The following MLLT10 variants were observed in gnomAD, a reference collection of about 807,000 sequenced individuals.
MLLT10 encodes the protein protein AF-10.
A neutral mutation model predicts 129.1 loss-of-function variants in MLLT10; 30 were observed. The ratio of observed to expected loss-of-function variants is 0.23; its 90% CI spans 0.17 to 0.32. The LOEUF (loss-of-function observed/expected upper bound fraction) is 0.32, where lower values mean the gene tolerates loss of function less well. Ranked by LOEUF, MLLT10 falls within the 10% of genes least tolerant of loss-of-function variation. The probability of loss-of-function intolerance (pLI) is 1.00; values close to 1 mark genes in which losing one functional copy is unlikely to be tolerated. For synonymous variants in MLLT10, 490 were observed against 446.4 expected (o/e 1.10, Z -1.23); for missense variants, 1,119 against 1,268.3 (o/e 0.88, Z 1.79).
At position 21,635,109 on chromosome 10, in the gene MLLT10, C is replaced by T. The variant is rs565671068; in HGVS notation, c.700-16564C>T. Among the ~76,000 whole-genome samples, 7 of 152,198 alleles carry T rather than the reference C, an allele frequency of 4.6e-5. No homozygotes were observed. The South Asian group carries it at 1.5e-3, about 32-fold the overall frequency. ...TCCTTCTTACTGTGTACCCCATGCG[C>T]TTACCTGTTACTGGCCAGTGCAGAA... On this transcript the variant is annotated intron_variant, in intron 8 of 22. Transcript: ENST00000307729.
intron 13 of MLLT10, among the ~76,000 whole-genome samples, chr10:21,695,267 G>A (rs2054255665): frequency 6.6e-6 from 1 of 151,932 alleles, no homozygotes; most frequent in African/African-American, 2.4e-5. Flanking sequence ...TCGAACTCCT[G>A]ACCTCAAGTG....
chr10:21,533,943 C>A (rs548943688), upstream of MLLT10, among the ~76,000 whole-genome samples: 7 of 152,146 alleles, frequency 4.6e-5, no homozygotes, highest in African/African-American at 1.7e-4. Flanking sequence ...CCCGCCACCT[C>A]CCAGGCCTCT....
intron 8 of MLLT10, among the ~76,000 whole-genome samples, chr10:21,628,016 C>T (rs2046626570): frequency 6.6e-6 from 1 of 152,158 alleles, no homozygotes; most frequent in African/African-American, 2.4e-5. Context: ...TTTTCAGTTA[C>T]CTTTTTCTCA....
intron 8 of MLLT10, among the ~76,000 whole-genome samples, chr10:21,632,568 C>T (rs1203648722): frequency 6.6e-6 from 1 of 152,158 alleles, no homozygotes; most frequent in African/African-American, 2.4e-5. Flanking sequence ...ATTCGAGACA[C>T]CATGCTCAAT....
intron 8 of MLLT10, among the ~76,000 whole-genome samples, chr10:21,637,094 A>C (rs967232164): frequency 6.6e-6 from 1 of 152,238 alleles, no homozygotes; most frequent in Non-Finnish European, 1.5e-5. Context: ...TGGGGCATCA[A>C]GTCCAAATCT....
intron 3 of MLLT10, among the ~76,000 whole-genome samples, chr10:21,548,878 C>T (rs948871091): frequency 1.3e-5 from 2 of 151,904 alleles, no homozygotes; most frequent in African/African-American, 2.4e-5. Context: ...TTAAAACATA[C>T]TTATTGTAAA....
At chr10:21,627,700 T>C (rs553234441) in intron 8 of MLLT10, among the ~76,000 whole-genome samples, 23 of 152,334 alleles carry the variant, frequency 1.5e-4, no homozygotes, top group African/African-American at 4.6e-4. Context: ...AGATTTTATC[T>C]TTCTCTGGGA....
rs1341984814 is a variant in MLLT10 at position 21,546,575 on chromosome 10, G to GT, written c.240+7677dup. Among the ~76,000 whole-genome samples, 977 of 111,708 alleles carry GT rather than the reference G, an allele frequency of 8.7e-3. 7 individuals carry two copies. The highest frequency in any genetic ancestry group is 0.019 in the African/African-American group (566 of 30,160). The allele number at this position is 111,708 out of a possible 152,430, so 73.3% of individuals were successfully genotyped here. A position where few individuals can be genotyped will look rare whatever the true frequency, so the allele number is the denominator to read the frequency against. On this transcript the variant is annotated intron_variant, in intron 3 of 22. Transcript: ENST00000307729. ...ACGCCCCACCACTCCTGGCTAATTT[G>GT]TTTTTTTTTTTTTTGAGACAGGGTC...
chr10:21,705,975 C>T (rs569322947), intron 13 of MLLT10, among the ~76,000 whole-genome samples: 1 of 152,312 alleles, frequency 6.6e-6, no homozygotes, highest in East Asian at 1.9e-4. Context: ...GGTCTCTAAC[C>T]TGTTCTTTCC....
chr10:21,710,290 C>T (rs1186742980), intron 13 of MLLT10, among the ~76,000 whole-genome samples: 1 of 152,110 alleles, frequency 6.6e-6, no homozygotes, highest in Non-Finnish European at 1.5e-5. Flanking sequence ...ACATAGGTAA[C>T]ATAAATGAGT....
At chr10:21,737,905 T>C (rs2058506932) in intron 21 of MLLT10, among the ~76,000 whole-genome samples, 3 of 152,210 alleles carry the variant, frequency 2.0e-5, no homozygotes, top group South Asian at 4.1e-4. Context: ...GAAAATACTT[T>C]TGATTCTGGA....
intron 17 of MLLT10, among the ~76,000 whole-genome samples, chr10:21,732,314 T>TG (rs1339728931): frequency 6.6e-6 from 1 of 152,214 alleles, no homozygotes; most frequent in East Asian, 1.9e-4. Flanking sequence ...TTACAGGGGA[T>TG]GCGCCTTTCT....
At chr10:21,718,648 A>G (rs2056918269) in intron 14 of MLLT10, among the ~76,000 whole-genome samples, 1 of 152,238 alleles carries the variant, frequency 6.6e-6, no homozygotes, top group Non-Finnish European at 1.5e-5. Context: ...CTTAACATTT[A>G]AAGTAAAATA....
chr10:21,711,786 C>T (rs1471088260), intron 13 of MLLT10, among the ~76,000 whole-genome samples: 3 of 152,102 alleles, frequency 2.0e-5, no homozygotes, highest in Non-Finnish European at 4.4e-5. Context: ...GCTTGAAAAG[C>T]AACAACATCT....
At chr10:21,707,231 T>C (rs977312908) in intron 13 of MLLT10, among the ~76,000 whole-genome samples, 3 of 150,170 alleles carry the variant, frequency 2.0e-5, no homozygotes, top group African/African-American at 4.9e-5. Flanking sequence ...TTCGCTCTGT[T>C]GCCCAGGCTG....
At chr10:21,668,259 G>A (rs995261259) in intron 9 of MLLT10, among the ~76,000 whole-genome samples, 1 of 152,030 alleles carries the variant, frequency 6.6e-6, no homozygotes, top group Non-Finnish European at 1.5e-5. Flanking sequence ...ATTTAGTCTT[G>A]GGCTTACTCA....
chr10:21,602,048 A>G (rs543148869), intron 5 of MLLT10, among the ~76,000 whole-genome samples: 101 of 152,334 alleles, frequency 6.6e-4, no homozygotes, highest in Non-Finnish European at 4.9e-4. Context: ...AGGTTACCCT[A>G]CAGGTAACTG....
chr10:21,589,581 A>G (rs2042304370), intron 4 of MLLT10, among the ~76,000 whole-genome samples: 1 of 152,108 alleles, frequency 6.6e-6, no homozygotes, highest in South Asian at 2.1e-4. Flanking sequence ...TAACATTACT[A>G]TGTGCTTTTT....
At chr10:21,629,223 CT>C (rs1441838795) in intron 8 of MLLT10, among the ~76,000 whole-genome samples, 1 of 152,062 alleles carries the variant, frequency 6.6e-6, no homozygotes, top group African/African-American at 2.4e-5. Context: ...TTTTTATAGC[CT>C]GGCCTCGGAA....
Sources: gnomAD v4.1 joint callset for allele counts (sites outside exome capture counted in the v4.1 genomes callset) on GRCh38, gnomAD v4.1.1 for gene constraint, MANE v1.5 for transcripts, NCBI Gene and HGNC (gene_info 2026-07-23, HGNC 2026-07-21) for gene names.